MAP2: variants seen among roughly 807,000 people sequenced by gnomAD.
MAP2 encodes the protein microtubule-associated protein 2.
In MAP2, 14 loss-of-function variants were observed where a neutral mutation model predicts 137.6. The ratio of observed to expected loss-of-function variants is 0.10; its 90% CI spans 0.07 to 0.16. The LOEUF is 0.16. Ranked by LOEUF, MAP2 falls within the 10% of genes least tolerant of loss-of-function variation. MAP2 has a pLI of 1.00. For missense variants in MAP2, 2,088 were observed against 2,191.5 expected, an observed-to-expected ratio of 0.95 and a Z score of 0.94; for synonymous variants, 786 against 782.3, an observed-to-expected ratio of 1.00 and a Z score of -0.08.
chr2:209,552,018 C>T (rs187857652), intron 2 of MAP2, among the ~76,000 whole-genome samples: 9 of 152,234 alleles, frequency 5.9e-5, no homozygotes, highest in Middle Eastern at 3.4e-3. Flanking sequence ...GCTCAAAGTG[C>T]ATAAATATAC....
chr2:209,434,103 T>C (rs1273487169), intron 1 of MAP2, among the ~76,000 whole-genome samples: 1 of 152,066 alleles, frequency 6.6e-6, no homozygotes, highest in Non-Finnish European at 1.5e-5. Context: ...TCTTGAATCA[T>C]GTATGAGATT....
chr2:209,552,575 C>G (rs904966725), intron 2 of MAP2, among the ~76,000 whole-genome samples: 1 of 152,132 alleles, frequency 6.6e-6, no homozygotes, highest in East Asian at 1.9e-4. Context: ...TTGAGAAATA[C>G]TTACTGGCCG....
intron 2 of MAP2, among the ~76,000 whole-genome samples, chr2:209,573,389 G>A (rs1455791590): frequency 6.7e-6 from 1 of 149,612 alleles, no homozygotes; most frequent in Non-Finnish European, 1.5e-5. Flanking sequence ...CGCCTCCTGG[G>A]TTCAAGCAAT....
Position 209,729,903 on chromosome 2 carries a change from C to G in MAP2, c.5209C>G (p.Gln1737Glu). 6.2e-7 allele frequency: 1 copy of G among 1,613,876 alleles called. No individual in the cohort carries two copies. Among genetic ancestry groups the G allele is most frequent in the Non-Finnish European group, 8.5e-7 (1 of 1,179,866 alleles). Residue 1737 changes from glutamine (Q) to glutamate (E), a missense_variant, in exon 15 of 16, where the codon CAA (glutamine) becomes GAA (glutamate). Gln to Glu is a conservative substitution (Grantham distance 29). Transcript: ENST00000682079. ...AAAACTAGATTTCAAAGAAAAGGCC[C>G]AAGCTAAAGTTGGTTCTCTTGATAA... Reference protein sequence around the residue: ...SVKLDFKEKAQAKVGSLDNAH... With the variant: ...SVKLDFKEKAEAKVGSLDNAH...
At chr2:209,499,664 A>T (rs1348242026) in intron 1 of MAP2, among the ~76,000 whole-genome samples, 1 of 152,196 alleles carries the variant, frequency 6.6e-6, no homozygotes, top group Non-Finnish European at 1.5e-5. Flanking sequence ...CAGTGCCGGC[A>T]TCAGCTTCTG....
chr2:209,464,016 G>C (rs1703518786), intron 1 of MAP2, among the ~76,000 whole-genome samples: 1 of 152,044 alleles, frequency 6.6e-6, no homozygotes, highest in Non-Finnish European at 1.5e-5. Context: ...AAATATTACA[G>C]GTGTTCAAAT....
chr2:209,660,704 T>A (rs970219812), intron 5 of MAP2, among the ~76,000 whole-genome samples: 1 of 51,694 alleles, frequency 1.9e-5, no homozygotes, highest in African/African-American at 7.2e-5. Flanking sequence ...CTGCTGCAAT[T>A]ATTATTATTA....
At chr2:209,729,787 T>G (rs2075402965) in intron 14 of MAP2, 63 bp from the exon 15 acceptor site, 1 of 1,111,568 alleles carries the variant, frequency 9.0e-7, no homozygotes, top group African/African-American at 1.6e-5. Context: ...CTGCAGTCAT[T>G]TTTGGGAAAT....
At chr2:209,651,836 C>T (rs554693118) in intron 4 of MAP2, among the ~76,000 whole-genome samples, 1 of 152,240 alleles carries the variant, frequency 6.6e-6, no homozygotes, top group East Asian at 1.9e-4. Context: ...AGGATAGCAA[C>T]AAAATTCAGT....
At chr2:209,592,059 C>A (rs964609249) in intron 3 of MAP2, among the ~76,000 whole-genome samples, 1 of 152,110 alleles carries the variant, frequency 6.6e-6, no homozygotes, top group Non-Finnish European at 1.5e-5. Flanking sequence ...TGAAAATATT[C>A]TAAGTGTTGA....
chr2:209,709,859 TTTTGAGGAGAATTGTCTGACTCTGG>T, intron 12 of MAP2, 30 bp from the exon 13 acceptor site: 1 of 1,298,256 alleles, frequency 7.7e-7, no homozygotes, highest in Non-Finnish European at 1.1e-6. Context: ...AAGAGGGATG[TTTTGAGGAGAATTGTCTGACTCTGG>T]TTTGGTTTTG....
chr2:209,600,569 T>G (rs1453294978), intron 3 of MAP2, among the ~76,000 whole-genome samples: 1 of 151,938 alleles, frequency 6.6e-6, no homozygotes, highest in African/African-American at 2.4e-5. Flanking sequence ...TCCCTACCAA[T>G]CCCCCAAATG....
chr2:209,612,145 TTAA>T (rs1328973302), intron 3 of MAP2, among the ~76,000 whole-genome samples: 1 of 152,218 alleles, frequency 6.6e-6, no homozygotes, highest in Non-Finnish European at 1.5e-5. Context: ...TTATTGGGCA[TTAA>T]TAATAAAACT....
At chr2:209,684,308 G>A (rs768277092) in intron 7 of MAP2, among the ~76,000 whole-genome samples, 2 of 152,126 alleles carry the variant, frequency 1.3e-5, no homozygotes, top group African/African-American at 2.4e-5. Flanking sequence ...CCTAATCATC[G>A]CGCATCTGAA....
intron 1 of MAP2, among the ~76,000 whole-genome samples, chr2:209,506,757 T>C (rs894217956): frequency 6.6e-6 from 1 of 152,208 alleles, no homozygotes; most frequent in African/African-American, 2.4e-5. Flanking sequence ...AATTGTCTTA[T>C]TTGAACTTTG....
At chr2:209,580,424 G>A (rs2076154677) in intron 3 of MAP2, among the ~76,000 whole-genome samples, 1 of 151,878 alleles carries the variant, frequency 6.6e-6, no homozygotes, top group Non-Finnish European at 1.5e-5. Context: ...TCATTAATTT[G>A]AATTTAAGAG....
chr2:209,726,052 A>G (rs1437885562), intron 14 of MAP2, among the ~76,000 whole-genome samples: 5 of 152,222 alleles, frequency 3.3e-5, no homozygotes, highest in Non-Finnish European at 7.3e-5. Flanking sequence ...TGTACTCAAC[A>G]CGCTTATTGG....
At chr2:209,583,298 T>A (rs2076959778) in intron 3 of MAP2, among the ~76,000 whole-genome samples, 1 of 152,132 alleles carries the variant, frequency 6.6e-6, no homozygotes, top group African/African-American at 2.4e-5. Flanking sequence ...TGAAGGACTT[T>A]ATTCTTCAAG....
chr2:209,696,400 G>T, intron 8 of MAP2, 50 bp downstream of exon 8: 1 of 1,514,646 alleles, frequency 6.6e-7, no homozygotes, highest in Non-Finnish European at 8.8e-7. Flanking sequence ...TAACCTTATG[G>T]GAATTTTTTT....
Sources: allele counts gnomAD v4.1 joint callset (sites outside exome capture counted in the v4.1 genomes callset), GRCh38; gene constraint gnomAD v4.1.1; transcripts MANE v1.5; gene names NCBI Gene and HGNC (gene_info 2026-07-23, HGNC 2026-07-21).